Variants in HNRNPUL1 observed in about 807,000 individuals in gnomAD.
HNRNPUL1 encodes heterogeneous nuclear ribonucleoprotein U like 1, also known as heterogeneous nuclear ribonucleoprotein U-like protein 1.
HNRNPUL1 carries 14 observed loss-of-function variants against 108.5 expected under a neutral mutation model. The observed-to-expected ratio is 0.13, with a 90% CI of 0.09 to 0.20. The LOEUF (loss-of-function observed/expected upper bound fraction) is 0.20. HNRNPUL1 is among the 10% of genes least tolerant of loss of function. The probability of loss-of-function intolerance (pLI) is 1.00; values close to 1 mark genes in which losing one functional copy is unlikely to be tolerated. For missense variants in HNRNPUL1, 804 were observed against 1,168.3 expected (o/e 0.69, Z 4.55); for synonymous variants, 422 against 445.2 (o/e 0.95, Z 0.66).
rs765178808 is a variant in HNRNPUL1, at chr19:41,279,160, C to A, written c.870C>A (p.Ser290=). 6.2e-6 allele frequency: 10 copies of A among 1,612,562 alleles called. No homozygotes were observed. The South Asian group carries it at 7.7e-5, about 12-fold the overall frequency. ...HVVRIGWSLD[S]CSTQLGEEPF... ...TCCGTATCGGCTGGTCCCTGGACTC[C>A]TGCAGCACCCAGCTAGGTAAGGAGG... Residue 290 remains serine, a synonymous_variant, in exon 6 of 15, where the codon TCC becomes TCA. Transcript: ENST00000392006.
intron 1 of HNRNPUL1, chr19:41,267,943 A>G (rs2034955785): frequency 3.9e-6 from 1 of 254,242 alleles, no homozygotes; most frequent in South Asian, 7.9e-5. Context: ...CCCTTTCTTC[A>G]TTCCTGGTAC....
In HNRNPUL1 at chr19:41,287,491, A is replaced by G. The variant is rs937131168; in HGVS notation, c.1000-4754A>G. On this transcript the variant is annotated intron_variant, in intron 7 of 14. Coordinates refer to ENST00000392006, the MANE Select transcript of HNRNPUL1 (RefSeq NM_007040.6). Reference sequence around the variant, plus strand: ...TGGGATCATATTGCATTCTCTTGCCATGTGTCTTTAGTTTCCTTTAGCCTG... The same window carrying G: ...TGGGATCATATTGCATTCTCTTGCCGTGTGTCTTTAGTTTCCTTTAGCCTG... Among the ~76,000 whole-genome samples, 4 of 152,154 alleles carry G rather than the reference A, an allele frequency of 2.6e-5. No individual in the cohort carries two copies. In the East Asian group the frequency reaches 5.8e-4, roughly 22 times the overall value.
In HNRNPUL1 at chr19:41,294,092, C is replaced by T. The variant is rs1327176274; in HGVS notation, c.1267-246C>T. On this transcript the variant is annotated intron_variant, in intron 8 of 14. Transcript: ENST00000392006. The surrounding 1 kb of genome is among the most constrained non-coding windows in gnomAD (Gnocchi z 4.3). The stretch of plus-strand genomic sequence containing the variant: ...CCCCCGAAAGTCCTGGGATTATAGG[C>T]GTGAGCTACCGTGCCTGGCCAGCAC... Among the ~76,000 whole-genome samples, 1 of 152,034 alleles carries T rather than the reference C, an allele frequency of 6.6e-6. No homozygotes were observed. Among genetic ancestry groups the T allele is most frequent in the Non-Finnish European group, 1.5e-5 (1 of 68,024 alleles).
At chr19:41,279,900 A>C (rs1410398736) in intron 6 of HNRNPUL1, among the ~76,000 whole-genome samples, 2 of 152,248 alleles carry the variant, frequency 1.3e-5, no homozygotes, top group Non-Finnish European at 2.9e-5. Flanking sequence ...ACTGGATCAC[A>C]CTAGGACTAC....
intron 1 of HNRNPUL1, chr19:41,265,338 A>G: frequency 1.9e-5 from 8 of 417,240 alleles, no homozygotes; most frequent in Admixed American, 3.3e-5. Flanking sequence ...GCGTTCTCCT[A>G]TTTGGGTACG....
At chr19:41,304,289 T>C in intron 13 of HNRNPUL1, 28 bp downstream of exon 13, 1 of 1,566,968 alleles carries the variant, frequency 6.4e-7, no homozygotes, top group Non-Finnish European at 8.7e-7. Flanking sequence ...TGTTTGTATG[T>C]AGTGATCGCA....
intron 6 of HNRNPUL1, among the ~76,000 whole-genome samples, chr19:41,279,784 C>A (rs1472263824): frequency 6.6e-6 from 1 of 152,156 alleles, no homozygotes; most frequent in Non-Finnish European, 1.5e-5. Flanking sequence ...TCAGGCCATA[C>A]AGAAAGGGAA....
At chr19:41,299,104 G>A (rs576421621) in intron 10 of HNRNPUL1, among the ~76,000 whole-genome samples, 1 of 152,278 alleles carries the variant, frequency 6.6e-6, no homozygotes, top group South Asian at 2.1e-4. Flanking sequence ...GAGTAGTGGG[G>A]AGAGGGGACT....
Position 41,272,719 on chromosome 19 carries a change from C to T in HNRNPUL1, c.572+484C>T, listed in dbSNP as rs181012828. Among the ~76,000 whole-genome samples, 26 of 152,318 alleles carry T rather than the reference C, an allele frequency of 1.7e-4. No individual in the cohort carries two copies. The East Asian group carries it at 1.7e-3, about 10-fold the overall frequency. On this transcript the variant is annotated intron_variant, in intron 3 of 14. Transcript: ENST00000392006. ...GCCTTCTGTTGTTCCAGTGTGGGGA[C>T]TCAGACACATACACTAGTAAGCCAC... is the stretch of plus-strand genomic sequence containing the variant.
At chr19:41,306,206 CTA>C (rs2123025530) in intron 14 of HNRNPUL1, among the ~76,000 whole-genome samples, 2 of 152,316 alleles carry the variant, frequency 1.3e-5, no homozygotes, top group Admixed American at 1.3e-4. Context: ...AATCTTTTGA[CTA>C]TGATATCTAG....
Position 41,302,751 on chromosome 19 carries a change from A to G in HNRNPUL1, c.1774A>G (p.Arg592Gly), listed in dbSNP as rs948549590. 2.4e-5 allele frequency: 39 copies of G among 1,614,132 alleles called. No homozygotes were observed. The highest frequency in any genetic ancestry group is 3.3e-5 in the Non-Finnish European group (39 of 1,180,010). ...GCGGGAGGAAGCGGACAAGCTAGTG[A>G]GGCAGTACAACGAGGAAGGCCGCAA... ...LQREEADKLV[R>G]QYNEEGRKAG... The change falls in exon 12 of 15, where the codon AGG (arginine) becomes GGG (glycine). Residue 592 changes from arginine to glycine, a missense_variant. This residue lies in a region of HNRNPUL1 where 294 missense variants were observed against 388.3 expected (regional missense o/e 0.76). Coordinates refer to ENST00000392006, the MANE Select transcript of HNRNPUL1 (RefSeq NM_007040.6).
Position 41,294,366 on chromosome 19 carries a change from C to T in HNRNPUL1, c.1295C>T (p.Ala432Val). 2 of 1,614,168 alleles carry T rather than the reference C, an allele frequency of 1.2e-6. No homozygotes were observed. The highest frequency in any genetic ancestry group is 8.5e-7 in the Non-Finnish European group (1 of 1,180,024). The change falls in exon 9 of 15, where the codon GCT (alanine) becomes GTT (valine). Residue 432 changes from alanine (A) to valine (V), a missense_variant. Transcript: ENST00000392006. The surrounding 1 kb of genome is among the most constrained non-coding windows in gnomAD (Gnocchi z 4.3). ...EILMMVGLPAAGKTTWAIKHA... is the reference protein window; with the variant it reads ...EILMMVGLPAVGKTTWAIKHA... ...CTGATGATGGTGGGCCTGCCTGCTG[C>T]TGGCAAGACCACATGGGCCATCAAA...
Position 41,264,400 on chromosome 19 carries a change from G to GCC in HNRNPUL1, c.-104_-103insCC. On this transcript the variant is annotated 5_prime_UTR_variant, in exon 1 of 15. Coordinates refer to ENST00000392006, the MANE Select transcript of HNRNPUL1 (RefSeq NM_007040.6). ...TTGAGCCGCTGCCGCCATTGGAGTG[G>GCC]GCCCCCCCCCTTTCCCCCTTCGCCT... 1 of 1,026,922 alleles carries GCC rather than the reference G, an allele frequency of 9.7e-7. No homozygotes were observed. Among genetic ancestry groups the GCC allele is most frequent in the Non-Finnish European group, 1.3e-6 (1 of 786,222 alleles). The allele number at this position is 1,026,922 out of a possible 1,614,324, so 63.6% of individuals were successfully genotyped here. A position where few individuals can be genotyped will look rare whatever the true frequency, so the allele number is the denominator to read the frequency against.
chr19:41,296,549 G>C (rs2036907197), intron 10 of HNRNPUL1, among the ~76,000 whole-genome samples: 1 of 152,236 alleles, frequency 6.6e-6, no homozygotes, highest in Non-Finnish European at 1.5e-5. Flanking sequence ...GGCTGAGGGA[G>C]GGATTGTAAA....
chr19:41,270,033 A>G (rs1312455928), intron 2 of HNRNPUL1, among the ~76,000 whole-genome samples: 7 of 151,274 alleles, frequency 4.6e-5, no homozygotes, highest in African/African-American at 1.5e-4. Context: ...CCCAGGCTGG[A>G]GGGCGATGGC....
intron 10 of HNRNPUL1, among the ~76,000 whole-genome samples, chr19:41,296,902 G>A (rs1314206889): frequency 6.6e-6 from 1 of 152,194 alleles, no homozygotes; most frequent in Non-Finnish European, 1.5e-5. Context: ...CTCCTGTTAT[G>A]TAGGTTGGCC....
chr19:41,300,418 T>C (rs2037137873), intron 10 of HNRNPUL1, among the ~76,000 whole-genome samples: 1 of 152,014 alleles, frequency 6.6e-6, no homozygotes, highest in Non-Finnish European at 1.5e-5. Context: ...CACTAAAAAA[T>C]TGTTTAAATG....
chr19:41,280,325 T>A (rs1047759134), intron 6 of HNRNPUL1, among the ~76,000 whole-genome samples: 2 of 152,056 alleles, frequency 1.3e-5, no homozygotes, highest in Non-Finnish European at 2.9e-5. Flanking sequence ...TCTGTGCATG[T>A]AACAGAATTG....
Position 41,301,412 on chromosome 19 carries a change from GTT to G in HNRNPUL1, c.1519-122_1519-121del, listed in dbSNP as rs1395153067. 9.4e-6 allele frequency: 7 copies of G among 742,036 alleles called. No homozygotes were observed. In the African/African-American group the frequency reaches 1.3e-4, roughly 13 times the overall value. The allele number at this position is 742,036 out of a possible 1,614,324, so 46.0% of individuals were successfully genotyped here. A position where few individuals can be genotyped will look rare whatever the true frequency, so the allele number is the denominator to read the frequency against. On this transcript the variant is annotated intron_variant, in intron 10 of 14. Transcript: ENST00000392006. ...TAAGTAAAGAAGAGCTGTTTCCTGA[GTT>G]TCTCTGCTTACAAGGAGCACTGATA... is the stretch of plus-strand genomic sequence containing the variant.
Sources: gnomAD v4.1 joint callset for allele counts (sites outside exome capture counted in the v4.1 genomes callset) on GRCh38, gnomAD v4.1.1 for gene constraint, gnomAD v4.1.1 regional missense constraint, Gnocchi (gnomAD v3.1) non-coding constraint, MANE v1.5 for transcripts, NCBI Gene and HGNC (gene_info 2026-07-23, HGNC 2026-07-21) for gene names.